Variants in ZNF202 observed in about 807,000 individuals in gnomAD.
ZNF202 encodes zinc finger protein 202, also known as zinc finger protein with KRAB and SCAN domains 10.
In ZNF202, 22 loss-of-function variants were observed where a neutral mutation model predicts 54.5. That is an observed-to-expected ratio of 0.40 (90% CI 0.29 to 0.58). The LOEUF is 0.58. Among genes scored for constraint, ZNF202 ranks in the 20% least tolerant of loss-of-function variants. The probability of loss-of-function intolerance (pLI) is 0.39; values close to 1 mark genes in which losing one functional copy is unlikely to be tolerated. For missense variants in ZNF202, 644 were observed against 805.5 expected, an observed-to-expected ratio of 0.80 and a Z score of 2.43; for synonymous variants, 294 against 301.4, an observed-to-expected ratio of 0.98 and a Z score of 0.26.
At position 123,725,022 on chromosome 11, in the gene ZNF202, G is replaced by T. The variant is rs1861065349; in HGVS notation, c.*975C>A. ...TGTAATTGTTATAGTGCCTTTGTAA[G>T]TTGACAGTTTCCAAATCCCCTTACT... On this transcript the variant is annotated 3_prime_UTR_variant, in exon 9 of 9. Coordinates refer to ENST00000530393, the MANE Select transcript of ZNF202 (RefSeq NM_003455.4). 6.6e-6 allele frequency: 1 copy of T among 152,228 alleles called. No individual in the cohort carries two copies. Among genetic ancestry groups the T allele is most frequent in the Non-Finnish European group, 1.5e-5 (1 of 68,046 alleles). 9.4% of individuals were successfully genotyped at this position (152,228 alleles called of 1,614,324 possible).
In ZNF202 at chr11:123,729,925, C is replaced by CCT; in HGVS notation, c.403-101_403-100insAG. 6.7e-6 allele frequency: 8 copies of CCT among 1,194,468 alleles called. No homozygotes were observed. In the South Asian group the frequency reaches 1.3e-4, roughly 19 times the overall value. 74.0% of individuals were successfully genotyped at this position (1,194,468 alleles called of 1,614,324 possible). A position where few individuals can be genotyped will look rare whatever the true frequency, so the allele number is the denominator to read the frequency against. ...GAGAAGATGCCTAGAGAAAACACTC[C>CCT]CAGAGGGACCCAGACAAGGAGGGGA... On this transcript the variant is annotated intron_variant, in intron 4 of 8. Coordinates refer to ENST00000530393, the MANE Select transcript of ZNF202 (RefSeq NM_003455.4).
At chr11:123,733,375 C>A (rs777695441) in intron 3 of ZNF202, among the ~76,000 whole-genome samples, 3 of 152,166 alleles carry the variant, frequency 2.0e-5, no homozygotes, top group Non-Finnish European at 4.4e-5. Context: ...CCTAGATCTT[C>A]ATGTGTAATT....
chr11:123,727,509 G>T lies in ZNF202; in HGVS notation c.919C>A (p.Gln307Lys). 3 of 1,614,092 alleles carry T rather than the reference G, an allele frequency of 1.9e-6. No individual in the cohort carries two copies. The highest frequency in any genetic ancestry group is 2.7e-5 in the African/African-American group (2 of 75,040). ...VPDIQEPQET[Q>K]EPEILSFTYT... ...GTAAAACTCAGGATTTCTGGCTCTT[G>T]AGTCTCCTGAGGCTCTTGGATATCT... Residue 307 changes from glutamine to lysine, a missense_variant, in exon 8 of 9, where the codon CAA (glutamine) becomes AAA (lysine). Physicochemically the swap from Gln to Lys is moderately conservative, Grantham distance 53 (BLOSUM62 1). Coordinates refer to ENST00000530393, the MANE Select transcript of ZNF202 (RefSeq NM_003455.4).
At chr11:123,728,358 GA>G in intron 6 of ZNF202, 96 bp from the exon 7 acceptor site, 1 of 1,390,418 alleles carries the variant, frequency 7.2e-7, no homozygotes, top group Non-Finnish European at 9.4e-7. Context: ...ACTCCTCTAG[GA>G]GATGAAAGGA....
Position 123,725,753 on chromosome 11 carries a change from CT to C in ZNF202, c.*243del. The C allele has an allele frequency of 2.0e-6, 1 of 507,336 alleles. No individual in the cohort carries two copies. The highest frequency in any genetic ancestry group is 3.5e-6 in the Non-Finnish European group (1 of 287,560). 31.4% of individuals were successfully genotyped at this position (507,336 alleles called of 1,614,324 possible). On this transcript the variant is annotated 3_prime_UTR_variant, in exon 9 of 9. Coordinates refer to ENST00000530393, the MANE Select transcript of ZNF202 (RefSeq NM_003455.4). ...TACCCATGAGGTAGAGGCAGGTGCA[CT>C]CCAGTGAAGGAGAAGCCTCAATTCA...
chr11:123,727,573 A>T lies in ZNF202; in HGVS notation c.855T>A (p.Asp285Glu), dbSNP rs1490488271. The change falls in exon 8 of 9, where the codon GAT becomes GAA. Residue 285 changes from aspartate to glutamate, a missense_variant. Physicochemically the swap from Asp to Glu is conservative, Grantham distance 45. Around this residue, in one of 3 missense-constraint regions of ZNF202, gnomAD observed 536 missense variants for 635.3 expected, o/e 0.84. Transcript: ENST00000530393. ...VSLSFPIPRP[D>E]EISQVREEEP... is the part of the protein sequence containing the mutation. ...CTTCCTCTCTAACCTGGGAGATCTCATCAGGTCTGGGGATTGGAAATGCTG... is the reference window on the plus strand; with the variant it reads ...CTTCCTCTCTAACCTGGGAGATCTCTTCAGGTCTGGGGATTGGAAATGCTG... 4 of 1,613,106 alleles carry T rather than the reference A, an allele frequency of 2.5e-6. No homozygotes were observed. The highest frequency in any genetic ancestry group is 3.4e-6 in the Non-Finnish European group (4 of 1,179,404).
intron 3 of ZNF202, among the ~76,000 whole-genome samples, chr11:123,731,664 TTC>T (rs1340495032): frequency 1.3e-5 from 2 of 152,340 alleles, no homozygotes; most frequent in South Asian, 2.1e-4. Context: ...TAATGCCAGT[TTC>T]TCTGTCTATA....
rs1422763956 is a variant in ZNF202, at chr11:123,724,868, G to A, written c.*1129C>T. ...GTCAGAGTACTCAGTCAGGGATGAT[G>A]GGGACAGGGTGTCAGAACAGTCTTG... On this transcript the variant is annotated 3_prime_UTR_variant, in exon 9 of 9. Transcript: ENST00000530393. 1 of 152,282 alleles carries A rather than the reference G, an allele frequency of 6.6e-6. No homozygotes were observed. The highest frequency in any genetic ancestry group is 1.5e-5 in the Non-Finnish European group (1 of 68,062). The allele number at this position is 152,282 out of a possible 1,614,324, so 9.4% of individuals were successfully genotyped here.
In ZNF202 at chr11:123,730,933, T is replaced by C. The variant is rs1861379455; in HGVS notation, c.-45A>G. 6.4e-7 allele frequency: 1 copy of C among 1,568,490 alleles called. No homozygotes were observed. The highest frequency in any genetic ancestry group is 8.6e-7 in the Non-Finnish European group (1 of 1,156,614). Reference sequence around the variant, plus strand: ...CTCACACCATCTAGAGCTCACACTGTCATTAGCCCCCCGCCTCAGCCTGGA... The same window carrying C: ...CTCACACCATCTAGAGCTCACACTGCCATTAGCCCCCCGCCTCAGCCTGGA... On this transcript the variant is annotated 5_prime_UTR_variant, in exon 4 of 9. Transcript: ENST00000530393. The surrounding 1 kb of genome is among the most constrained non-coding windows in gnomAD (Gnocchi z 6.0).
At chr11:123,735,258 T>C (rs1861583648) in intron 3 of ZNF202, among the ~76,000 whole-genome samples, 1 of 152,188 alleles carries the variant, frequency 6.6e-6, no homozygotes, top group African/African-American at 2.4e-5. Context: ...GGAATCCTCA[T>C]TGTTTTCACG....
intron 3 of ZNF202, among the ~76,000 whole-genome samples, chr11:123,732,667 G>T (rs867284141): frequency 1.3e-5 from 2 of 152,074 alleles, no homozygotes; most frequent in African/African-American, 4.8e-5. Context: ...CATAGCCATC[G>T]CTCATCTTTC....
At chr11:123,732,497 T>C (rs1325587366) in intron 3 of ZNF202, among the ~76,000 whole-genome samples, 1 of 152,232 alleles carries the variant, frequency 6.6e-6, no homozygotes, top group East Asian at 1.9e-4. Context: ...TATCCTTGGT[T>C]AGGTTAAACT....
intron 6 of ZNF202, 131 bp from the exon 7 acceptor site, chr11:123,728,393 C>G: frequency 3.2e-6 from 4 of 1,235,566 alleles, no homozygotes; most frequent in African/African-American, 1.6e-5. Context: ...GCTGCTTAAA[C>G]TCATTCTCGG....
In ZNF202 at chr11:123,729,836, T is replaced by A. The variant is rs754056735; in HGVS notation, c.403-11A>T. The A allele has an allele frequency of 6.3e-7, 1 of 1,586,148 alleles. No homozygotes were observed. On this transcript the variant is annotated splice_polypyrimidine_tract_variant and intron_variant, in intron 4 of 8. Transcript: ENST00000530393. Reference sequence around the variant, plus strand: ...AACATGGACAGTCACCTGGGAATAATTCCAACTTCCAGTCACCATGGAGTC... The same window carrying A: ...AACATGGACAGTCACCTGGGAATAAATCCAACTTCCAGTCACCATGGAGTC...
intron 3 of ZNF202, among the ~76,000 whole-genome samples, chr11:123,733,083 C>T (rs572880076): frequency 5.9e-5 from 9 of 152,198 alleles, no homozygotes; most frequent in African/African-American, 1.9e-4. Flanking sequence ...TGGTCCTGTC[C>T]CCCTCCAGAC....
At position 123,726,064 on chromosome 11, in the gene ZNF202, C is replaced by G. The variant is rs750873682; in HGVS notation, c.1880G>C (p.Gly627Ala). 6.2e-7 allele frequency: 1 copy of G among 1,614,132 alleles called. No individual in the cohort carries two copies. The highest frequency in any genetic ancestry group is 1.1e-5 in the South Asian group (1 of 91,078). The change falls in exon 9 of 9, where the codon GGA becomes GCA. Residue 627 changes from glycine (G) to alanine (A), a missense_variant. Gly to Ala is a moderately conservative substitution (Grantham distance 60, BLOSUM62 0). Transcript: ENST00000530393. The surrounding 1 kb of genome is among the most constrained non-coding windows in gnomAD (Gnocchi z 6.0). ...GTGATATCCTCTGCTGAAGCTTTTTCCACAGGTAGGGCACGTGAATGGTTT... is the reference window on the plus strand; with the variant it reads ...GTGATATCCTCTGCTGAAGCTTTTTGCACAGGTAGGGCACGTGAATGGTTT... ...GEKPFTCPTC[G>A]KSFSRGYHLI...
chr11:123,729,183 A>G lies in ZNF202; in HGVS notation c.645T>C (p.Pro215=). The G allele has an allele frequency of 6.2e-7, 1 of 1,613,920 alleles. No individual in the cohort carries two copies. Among genetic ancestry groups the G allele is most frequent in the East Asian group, 2.2e-5 (1 of 44,882 alleles). ...CTGAGTCTCCAGAGCTCCTCTCTGC[A>G]GGAAGGTCTGGGTCCTCGGGCACTG... ...EVPVPEDPDL[P]AERSSGDSEM... Residue 215 remains proline, a synonymous_variant, in exon 6 of 9, where the codon CCT becomes CCC. Transcript: ENST00000530393.
Position 123,730,789 on chromosome 11 carries a change from C to G in ZNF202, c.100G>C (p.Val34Leu), listed in dbSNP as rs756012627. 6.2e-7 allele frequency: 1 copy of G among 1,614,094 alleles called. No homozygotes were observed. The highest frequency in any genetic ancestry group is 1.3e-5 in the African/African-American group (1 of 74,946). ...EDDFTCRPESVLQRDDPVLET... is the reference protein window; with the variant it reads ...EDDFTCRPESLLQRDDPVLET... The stretch of plus-strand genomic sequence containing the variant: ...AGCACCGGGTCATCCCTCTGTAAGA[C>G]AGACTCTGGCCGACAGGTGAAATCA... Residue 34 changes from valine to leucine, a missense_variant, in exon 4 of 9, where the codon GTC (valine) becomes CTC (leucine). Physicochemically the swap from Val to Leu is conservative, Grantham distance 32. Transcript: ENST00000530393. This position sits in a 1 kb window ranked among gnomAD's most constrained non-coding sequence, Gnocchi z 6.0.
chr11:123,725,830 G>T lies in ZNF202; in HGVS notation c.*167C>A. 1.3e-6 allele frequency: 1 copy of T among 761,802 alleles called. No individual in the cohort carries two copies. The highest frequency in any genetic ancestry group is 2.0e-6 in the Non-Finnish European group (1 of 490,636). 47.2% of individuals were successfully genotyped at this position (761,802 alleles called of 1,614,324 possible). A position where few individuals can be genotyped will look rare whatever the true frequency, so the allele number is the denominator to read the frequency against. ...CTCAAGGCGTAGAGGAAGGCTGAGA[G>T]GTTCTGCCCAGGCTCGTGTTTAGTT... On this transcript the variant is annotated 3_prime_UTR_variant, in exon 9 of 9. Coordinates refer to ENST00000530393, the MANE Select transcript of ZNF202 (RefSeq NM_003455.4).
Sources: gnomAD v4.1 joint callset for allele counts (sites outside exome capture counted in the v4.1 genomes callset) on GRCh38, gnomAD v4.1.1 for gene constraint, gnomAD v4.1.1 regional missense constraint, Gnocchi (gnomAD v3.1) non-coding constraint, MANE v1.5 for transcripts, NCBI Gene and HGNC (gene_info 2026-07-23, HGNC 2026-07-21) for gene names.